Variants in REV3L observed in about 807,000 individuals in gnomAD.
REV3L encodes DNA polymerase zeta catalytic subunit.
In REV3L, 69 loss-of-function variants were observed where a neutral mutation model predicts 299.4. The observed-to-expected ratio is 0.23, with a 90% CI of 0.19 to 0.28. REV3L has a LOEUF of 0.28. Ranked by LOEUF, REV3L falls within the 10% of genes least tolerant of loss-of-function variation. The pLI, the probability that REV3L is intolerant of heterozygous loss-of-function variation, is 1.00. For synonymous variants in REV3L, 1,238 were observed against 1,271.4 expected (o/e 0.97, Z 0.56); for missense variants, 3,128 against 3,693.8 (o/e 0.85, Z 3.97).
chr6:111,476,514 T>TGG (rs1792960745), intron 1 of REV3L, among the ~76,000 whole-genome samples: 1 of 152,144 alleles, frequency 6.6e-6, no homozygotes, highest in Admixed American at 6.5e-5. Flanking sequence ...TTTCTACTTG[T>TGG]GGCATCATGT....
rs1169895247 is a variant in REV3L, at chr6:111,392,957, G to A, written c.581C>T (p.Ala194Val). 1.2e-6 allele frequency: 2 copies of A among 1,603,858 alleles called. No individual in the cohort carries two copies. The highest frequency in any genetic ancestry group is 1.3e-5 in the African/African-American group (1 of 74,742). The change falls in exon 5 of 32, where the codon GCA becomes GTA. Residue 194 changes from alanine to valine, a missense_variant. Ala to Val is a moderately conservative substitution (Grantham distance 64). This residue lies in a region of REV3L where 2,409 missense variants were observed against 2,611.8 expected (regional missense o/e 0.92). Transcript: ENST00000368802. ...TAAATGATTCTTGCAGGATCCAGTTGCATGCAATGTATTACCTAGGAATAG... is the reference window on the plus strand; with the variant it reads ...TAAATGATTCTTGCAGGATCCAGTTACATGCAATGTATTACCTAGGAATAG... ...KARRKSNTLH[A>V]TGSCKNHLSG...
At chr6:111,466,462 T>C (rs1399362301) in intron 1 of REV3L, among the ~76,000 whole-genome samples, 3 of 152,248 alleles carry the variant, frequency 2.0e-5, no homozygotes, top group African/African-American at 7.2e-5. Flanking sequence ...ATAAATGTCC[T>C]ATCAGTTTAA....
intron 24 of REV3L, 99 bp downstream of exon 24, chr6:111,331,577 G>T: frequency 1.4e-6 from 1 of 705,228 alleles, no homozygotes; most frequent in Non-Finnish European, 2.2e-6. Context: ...CAAACTCGGT[G>T]TTTTTGTTTT....
In REV3L at chr6:111,313,736, C is replaced by T. The variant is rs568925731; in HGVS notation, c.8467-247G>A. On this transcript the variant is annotated intron_variant, in intron 27 of 31. Transcript: ENST00000368802. ...GTTTATTTACTGAATAAAGTATAAA[C>T]ACTTTAGCTTGGCATTCAAGACAGT... 2.0e-5 allele frequency among the ~76,000 whole-genome samples: 3 copies of T among 152,280 alleles called. No homozygotes were observed. The East Asian group carries it at 5.8e-4, about 29-fold the overall frequency.
intron 9 of REV3L, among the ~76,000 whole-genome samples, chr6:111,382,216 A>T (rs1042526756): frequency 6.6e-6 from 1 of 152,112 alleles, no homozygotes; most frequent in African/African-American, 2.4e-5. Flanking sequence ...AAACTGAACT[A>T]CCCACACAAG....
At chr6:111,319,998 T>G (rs764781228) in intron 26 of REV3L, among the ~76,000 whole-genome samples, 12 of 151,868 alleles carry the variant, frequency 7.9e-5, no homozygotes, top group Non-Finnish European at 1.5e-4. Context: ...CCCAGCTAAT[T>G]TTTTTAATTT....
Position 111,349,343 on chromosome 6 carries a change from A to T in REV3L, c.7301-7T>A. 1 of 1,427,584 alleles carries T rather than the reference A, an allele frequency of 7.0e-7. No individual in the cohort carries two copies. Among genetic ancestry groups the T allele is most frequent in the Non-Finnish European group, 9.8e-7 (1 of 1,018,394 alleles). The allele number at this position is 1,427,584 out of a possible 1,614,324, so 88.4% of individuals were successfully genotyped here. On this transcript the variant is annotated splice_polypyrimidine_tract_variant and splice_region_variant and intron_variant, in intron 19 of 31. Transcript: ENST00000368802. ...CTGTTCTCAATTTTGTCATCTATAGAAATGAAAACAGACTGTATCAGGGCT... is the reference window on the plus strand; with the variant it reads ...CTGTTCTCAATTTTGTCATCTATAGTAATGAAAACAGACTGTATCAGGGCT...
At chr6:111,465,688 G>A (rs770212507) in intron 1 of REV3L, among the ~76,000 whole-genome samples, 2 of 135,970 alleles carry the variant, frequency 1.5e-5, no homozygotes, top group African/African-American at 5.5e-5. Context: ...AGCTGAGATC[G>A]CGCCCGAGCA....
intron 27 of REV3L, 51 bp from the exon 28 acceptor site, chr6:111,313,540 G>A (rs771283371): frequency 1.3e-6 from 2 of 1,522,874 alleles, no homozygotes; most frequent in Non-Finnish European, 1.8e-6. Flanking sequence ...CCCCCACCAA[G>A]AATGTTTTAT....
chr6:111,332,744 T>C (rs914296721), intron 23 of REV3L, among the ~76,000 whole-genome samples: 1 of 152,234 alleles, frequency 6.6e-6, no homozygotes, highest in African/African-American at 2.4e-5. Flanking sequence ...TCCTGGACTA[T>C]TTATAAGAAA....
intron 1 of REV3L, among the ~76,000 whole-genome samples, chr6:111,482,235 C>A (rs552209619): frequency 6.6e-6 from 1 of 152,190 alleles, no homozygotes; most frequent in Non-Finnish European, 1.5e-5. Context: ...ACTGCATCTC[C>A]GGAACTGGCA....
intron 9 of REV3L, among the ~76,000 whole-genome samples, chr6:111,386,333 A>C (rs889635004): frequency 6.6e-6 from 1 of 152,226 alleles, no homozygotes; most frequent in Admixed American, 6.5e-5. Context: ...CAAAGTTATA[A>C]TGTTGACATA....
chr6:111,359,723 C>T (rs951350553), intron 16 of REV3L, among the ~76,000 whole-genome samples: 8 of 151,928 alleles, frequency 5.3e-5, no homozygotes, highest in Non-Finnish European at 1.0e-4. Flanking sequence ...ATAAGAAAAA[C>T]AAAATATAGG....
chr6:111,430,292 T>C, intron 1 of REV3L: 1 of 1,069,692 alleles, frequency 9.3e-7, no homozygotes, highest in Non-Finnish European at 1.5e-6. Flanking sequence ...TCCAAGTGCT[T>C]TCTTTCATTT....
intron 24 of REV3L, chr6:111,330,873 T>C (rs1775313286): frequency 2.0e-6 from 1 of 495,560 alleles, no homozygotes; most frequent in Non-Finnish European, 2.6e-6. Flanking sequence ...AAAAGAAACA[T>C]ACCATGAACT....
chr6:111,370,669 C>A (rs780161919), intron 13 of REV3L, among the ~76,000 whole-genome samples: 1 of 152,090 alleles, frequency 6.6e-6, no homozygotes, highest in Admixed American at 6.5e-5. Context: ...AAAAGCCTGG[C>A]ATTCACTGTC....
intron 1 of REV3L, among the ~76,000 whole-genome samples, chr6:111,482,472 G>C (rs1793859359): frequency 6.6e-6 from 1 of 151,160 alleles, no homozygotes; most frequent in Non-Finnish European, 1.5e-5. Flanking sequence ...CTGGAGTGCG[G>C]CTCCCGCTCC....
chr6:111,457,763 C>T (rs143476465), intron 1 of REV3L, among the ~76,000 whole-genome samples: 2 of 151,816 alleles, frequency 1.3e-5, no homozygotes, highest in East Asian at 1.9e-4. Context: ...AAAGAGAAGA[C>T]AGAACAGGTC....
intron 2 of REV3L, among the ~76,000 whole-genome samples, chr6:111,412,782 C>G (rs76801710): frequency 1.5e-5 from 2 of 135,138 alleles, no homozygotes; most frequent in African/African-American, 5.2e-5. Flanking sequence ...AAAAAAAAAA[C>G]AACTATTTAC....
Sources: gnomAD v4.1 joint callset for allele counts (sites outside exome capture counted in the v4.1 genomes callset) on GRCh38, gnomAD v4.1.1 for gene constraint, gnomAD v4.1.1 regional missense constraint, MANE v1.5 for transcripts, NCBI Gene and HGNC (gene_info 2026-07-23, HGNC 2026-07-21) for gene names.